AFG3L2: variants seen among roughly 807,000 people sequenced by gnomAD.
AFG3L2 encodes the protein mitochondrial inner membrane m-AAA protease component AFG3L2.
AFG3L2 carries 54 observed loss-of-function variants against 94.5 expected under a neutral mutation model. The observed-to-expected ratio is 0.57, with a 90% confidence interval of 0.46 to 0.72. The LOEUF (loss-of-function observed/expected upper bound fraction) is 0.72. AFG3L2 is among the 30% of genes least tolerant of loss of function. The probability of loss-of-function intolerance (pLI) is 0.00; values close to 1 mark genes in which losing one functional copy is unlikely to be tolerated. For missense variants in AFG3L2, 754 were observed against 994.9 expected, an observed-to-expected ratio of 0.76 and a Z score of 3.26; for synonymous variants, 377 against 365.5, an observed-to-expected ratio of 1.03 and a Z score of -0.36.
chr18:12,351,076 TC>T lies in AFG3L2; in HGVS notation c.1552+8del. ...CTTCTAAATAGGGTCCTCGTTATTT[TC>T]CACTCACCTGAAAACCCTGGAGTTA... On this transcript the variant is annotated splice_region_variant and intron_variant, in intron 12 of 16. Coordinates refer to ENST00000269143, the MANE Select transcript of AFG3L2 (RefSeq NM_006796.3). 2 of 1,612,466 alleles carry T rather than the reference TC, an allele frequency of 1.2e-6. No homozygotes were observed. The highest frequency in any genetic ancestry group is 8.5e-7 in the Non-Finnish European group (1 of 1,179,996).
At chr18:12,376,567 G>A (rs1909163211) in intron 1 of AFG3L2, among the ~76,000 whole-genome samples, 1 of 152,204 alleles carries the variant, frequency 6.6e-6, no homozygotes, top group Non-Finnish European at 1.5e-5. Flanking sequence ...GGAGAGGTTA[G>A]GCAGCCCGAC....
At position 12,363,828 on chromosome 18, in the gene AFG3L2, C is replaced by T. The variant is rs148364117; in HGVS notation, c.581G>A (p.Arg194His). The T allele has an allele frequency of 6.4e-5, 104 of 1,613,196 alleles. No individual in the cohort carries two copies. Among genetic ancestry groups the T allele is most frequent in the Non-Finnish European group, 7.9e-5 (93 of 1,179,810 alleles). Residue 194 changes from arginine to histidine, a missense_variant, in exon 6 of 17, where the codon CGT becomes CAT. By Grantham distance (29) the Arg-to-His change is conservative (BLOSUM62 0). Around this residue, in one of 4 missense-constraint regions of AFG3L2, gnomAD observed 130 missense variants for 175.1 expected, o/e 0.74. Coordinates refer to ENST00000269143, the MANE Select transcript of AFG3L2 (RefSeq NM_006796.3). ...TGGTGTAAAGGTCACTCGAACAAAACGCTTGTTGACGACTTCCAATCTGTC... is the reference window on the plus strand; with the variant it reads ...TGGTGTAAAGGTCACTCGAACAAAATGCTTGTTGACGACTTCCAATCTGTC... ...VVDRLEVVNK[R>H]FVRVTFTPGK...
chr18:12,345,504 T>C (rs1266066782), intron 13 of AFG3L2, among the ~76,000 whole-genome samples: 7 of 152,196 alleles, frequency 4.6e-5, no homozygotes, highest in Admixed American at 3.9e-4. Context: ...AAGACAAGCA[T>C]ATGCCACAGG....
At chr18:12,355,580 T>C (rs896043060) in intron 9 of AFG3L2, among the ~76,000 whole-genome samples, 1 of 152,076 alleles carries the variant, frequency 6.6e-6, no homozygotes, top group African/African-American at 2.4e-5. Flanking sequence ...AAATCAGGCA[T>C]AAAAAAACCA....
chr18:12,373,796 C>T (rs1180812107), intron 1 of AFG3L2, among the ~76,000 whole-genome samples: 1 of 152,082 alleles, frequency 6.6e-6, no homozygotes, highest in African/African-American at 2.4e-5. Context: ...TTTATAACAA[C>T]CTAAGGTCTC....
chr18:12,341,676 G>A (rs1907957632), intron 14 of AFG3L2: 1 of 151,992 alleles, frequency 6.6e-6, no homozygotes, highest in African/African-American at 2.4e-5. Context: ...TGGAAGTCAG[G>A]GTTATTTTCA....
Position 12,351,187 on chromosome 18 carries a change from C to G in AFG3L2, c.1450G>C (p.Ala484Pro), listed in dbSNP as rs753000167. 2 of 1,614,142 alleles carry G rather than the reference C, an allele frequency of 1.2e-6. No homozygotes were observed. Among genetic ancestry groups the G allele is most frequent in the Non-Finnish European group, 1.7e-6 (2 of 1,180,022 alleles). The change falls in exon 12 of 17, where the codon GCT (alanine) becomes CCT (proline). Residue 484 changes from alanine (A) to proline (P), a missense_variant. This residue lies in a region of AFG3L2 where 279 missense variants were observed against 378.6 expected (regional missense o/e 0.74). Coordinates refer to ENST00000269143, the MANE Select transcript of AFG3L2 (RefSeq NM_006796.3). ...FIGPPDIKGRASIFKVHLRPL... is the reference protein window; with the variant it reads ...FIGPPDIKGRPSIFKVHLRPL... ...CGGAGATGAACTTTGAAAATAGAAG[C>G]TCTTCCTTTTATGTCTGGTGGTCCT...
intron 6 of AFG3L2, among the ~76,000 whole-genome samples, chr18:12,363,547 T>C (rs1020551807): frequency 6.6e-6 from 1 of 152,168 alleles, no homozygotes; most frequent in Non-Finnish European, 1.5e-5. Context: ...CTTCTTAATG[T>C]AGTCAAAATG....
At chr18:12,345,242 C>T (rs868099760) in intron 13 of AFG3L2, among the ~76,000 whole-genome samples, 1 of 152,230 alleles carries the variant, frequency 6.6e-6, no homozygotes, top group Non-Finnish European at 1.5e-5. Context: ...CTGCAGCCTG[C>T]GTCCACCACA....
Position 12,370,913 on chromosome 18 carries a change from G to T in AFG3L2, c.228C>A (p.Tyr76Ter). The part of the protein sequence containing the change: ...CSRPPKGFEK[Y>*]FPNGKNGKKA... The stretch of plus-strand genomic sequence containing the variant: ...TTTTTCCATTTTTTCCATTAGGAAA[G>T]TATTTTTCAAATCCTGTTAGAAAAA... The change falls in exon 3 of 17, where the codon TAC (tyrosine) becomes TAA (stop). Residue 76 changes from tyrosine (Y) to a stop codon, truncating the protein, a stop_gained. Coordinates refer to ENST00000269143, the MANE Select transcript of AFG3L2 (RefSeq NM_006796.3). LOFTEE classifies it high-confidence loss of function. The T allele has an allele frequency of 1.9e-6, 3 of 1,563,368 alleles. No homozygotes were observed. Among genetic ancestry groups the T allele is most frequent in the Non-Finnish European group, 1.8e-6 (2 of 1,139,430 alleles).
intron 1 of AFG3L2, among the ~76,000 whole-genome samples, chr18:12,375,863 GCT>G (rs1420499560): frequency 6.7e-6 from 1 of 150,336 alleles, no homozygotes; most frequent in Non-Finnish European, 1.5e-5. Context: ...CAACCACGGT[GCT>G]GTAGTCCCAG....
At chr18:12,361,986 C>T (rs1368274916) in intron 6 of AFG3L2, among the ~76,000 whole-genome samples, 4 of 152,208 alleles carry the variant, frequency 2.6e-5, no homozygotes, top group African/African-American at 9.7e-5. Context: ...AACCCAGGAC[C>T]AGCAGCATAG....
chr18:12,348,362 C>T lies in AFG3L2; in HGVS notation c.1574G>A (p.Cys525Tyr), dbSNP rs977495151. The T allele has an allele frequency of 1.2e-6, 2 of 1,614,116 alleles. No homozygotes were observed. The highest frequency in any genetic ancestry group is 1.7e-6 in the Non-Finnish European group (2 of 1,180,006). ...GFSGADVANVCNEAALIAARH... is the reference protein window; with the variant it reads ...GFSGADVANVYNEAALIAARH... ...TGCAGCAATCAACGCAGCTTCATTA[C>T]AGACATTAGCAACATCAGCACCTAA... The change falls in exon 13 of 17, where the codon TGT (cysteine) becomes TAT (tyrosine). Residue 525 changes from cysteine to tyrosine, a missense_variant. Coordinates refer to ENST00000269143, the MANE Select transcript of AFG3L2 (RefSeq NM_006796.3).
rs535262968 is a variant in AFG3L2 at position 12,354,158 on chromosome 18, A to G, written c.1165-1000T>C. On this transcript the variant is annotated intron_variant, in intron 9 of 16. Transcript: ENST00000269143. ...CCCCCCCCCCCCCACTTCACTGGAC[A>G]GAAGTCCAGGTCTTCCTGCCTGGAT... 4.2e-4 allele frequency among the ~76,000 whole-genome samples: 37 copies of G among 88,808 alleles called. 2 individuals are homozygous for G. The highest frequency in any genetic ancestry group is 1.7e-3 in the African/African-American group (34 of 19,856). 58.3% of individuals were successfully genotyped at this position (88,808 alleles called of 152,430 possible).
chr18:12,345,612 T>C (rs765210352), intron 13 of AFG3L2, among the ~76,000 whole-genome samples: 2 of 152,202 alleles, frequency 1.3e-5, no homozygotes, highest in Non-Finnish European at 2.9e-5. Flanking sequence ...CAGTTCACCT[T>C]AGGAGTCATT....
intron 16 of AFG3L2, among the ~76,000 whole-genome samples, chr18:12,335,512 A>G (rs896004628): frequency 2.0e-5 from 3 of 152,130 alleles, no homozygotes; most frequent in African/African-American, 7.2e-5. Context: ...CTCTCTGGAA[A>G]AAGCAGGGAC....
intron 13 of AFG3L2, 133 bp downstream of exon 13, chr18:12,348,140 G>A (rs1181927826): frequency 4.0e-6 from 3 of 752,770 alleles, no homozygotes; most frequent in Admixed American, 2.0e-5. Context: ...CACCAAGAGA[G>A]CACAAATGTG....
At chr18:12,330,066 A>G (rs905275107) in intron 16 of AFG3L2, among the ~76,000 whole-genome samples, 2 of 152,248 alleles carry the variant, frequency 1.3e-5, no homozygotes, top group Non-Finnish European at 2.9e-5. Context: ...CGGGCGCGGT[A>G]GCTCGCGCCT....
At chr18:12,367,813 G>A (rs1908852872) in intron 3 of AFG3L2, among the ~76,000 whole-genome samples, 1 of 152,028 alleles carries the variant, frequency 6.6e-6, no homozygotes, top group African/African-American at 2.4e-5. Context: ...GAATTTCGGG[G>A]GGCCAAAGCA....
Sources: gnomAD v4.1 joint callset for allele counts (sites outside exome capture counted in the v4.1 genomes callset) on GRCh38, gnomAD v4.1.1 for gene constraint, gnomAD v4.1.1 regional missense constraint, MANE v1.5 for transcripts, NCBI Gene and HGNC (gene_info 2026-07-23, HGNC 2026-07-21) for gene names.